TMEM117: variants seen among roughly 807,000 people sequenced by gnomAD.
The protein encoded by TMEM117 is transmembrane protein 117.
In TMEM117, 27 loss-of-function variants were observed where a neutral mutation model predicts 52.4. That is an observed-to-expected ratio of 0.51 (90% CI 0.38 to 0.71). The LOEUF (loss-of-function observed/expected upper bound fraction) is 0.71, where lower values mean the gene tolerates loss of function less well. TMEM117 is among the 30% of genes least tolerant of loss of function. TMEM117 has a pLI of 0.00. For missense variants in TMEM117, 556 were observed against 630.5 expected (o/e 0.88, Z 1.26); for synonymous variants, 215 against 206.3 (o/e 1.04, Z -0.36).
At chr12:44,280,255 A>T (rs1950561805) in intron 5 of TMEM117, among the ~76,000 whole-genome samples, 1 of 152,194 alleles carries the variant, frequency 6.6e-6, no homozygotes, top group African/African-American at 2.4e-5. Flanking sequence ...TAAATTTAAC[A>T]ATCAGTGCAA....
intron 6 of TMEM117, among the ~76,000 whole-genome samples, chr12:44,357,356 G>T (rs992411098): frequency 2.0e-5 from 3 of 152,060 alleles, no homozygotes; most frequent in Admixed American, 1.3e-4. Context: ...AAAGGTATTA[G>T]CAATTCTCTT....
rs545889167 is a variant in TMEM117 at position 43,967,852 on chromosome 12, T to G, written c.410+23510T>G. Among the ~76,000 whole-genome samples, 4 of 152,334 alleles carry G rather than the reference T, an allele frequency of 2.6e-5. No homozygotes were observed. In the South Asian group the frequency reaches 8.3e-4, roughly 32 times the overall value. The stretch of plus-strand genomic sequence containing the variant: ...GCACTGCATATAAAATAAAATAGTG[T>G]GTTCTGAATGATGAAAATACACAGA... On this transcript the variant is annotated intron_variant, in intron 3 of 7. Coordinates refer to ENST00000266534, the MANE Select transcript of TMEM117 (RefSeq NM_032256.3).
At chr12:44,250,223 C>A (rs527857192) in intron 5 of TMEM117, among the ~76,000 whole-genome samples, 1 of 151,142 alleles carries the variant, frequency 6.6e-6, no homozygotes. Context: ...ATGTGGCCAA[C>A]AAACATATGA....
At chr12:43,852,935 G>T (rs1396048734) in intron 2 of TMEM117, among the ~76,000 whole-genome samples, 2 of 152,174 alleles carry the variant, frequency 1.3e-5, no homozygotes, top group African/African-American at 4.8e-5. Flanking sequence ...GATGTTCTTT[G>T]TATTCATTGA....
intron 3 of TMEM117, among the ~76,000 whole-genome samples, chr12:44,102,374 G>A (rs1947876757): frequency 6.6e-6 from 1 of 151,916 alleles, no homozygotes; most frequent in African/African-American, 2.4e-5. Flanking sequence ...GGTATGAAGA[G>A]GCCTGAATGT....
intron 6 of TMEM117, among the ~76,000 whole-genome samples, chr12:44,311,817 ATATATG>A (rs1950986861): frequency 1.1e-5 from 1 of 88,394 alleles, no homozygotes; most frequent in East Asian, 2.4e-4. Flanking sequence ...ATATATGTAT[ATATATG>A]TATATATGTA....
chr12:43,963,993 T>C (rs913025329), intron 3 of TMEM117, among the ~76,000 whole-genome samples: 1 of 152,094 alleles, frequency 6.6e-6, no homozygotes, highest in Non-Finnish European at 1.5e-5. Context: ...TCAATCAGGA[T>C]AGGTTAGATT....
At chr12:43,970,244 A>T (rs745831481) in intron 3 of TMEM117, among the ~76,000 whole-genome samples, 6 of 152,044 alleles carry the variant, frequency 3.9e-5, no homozygotes, top group Admixed American at 1.3e-4. Context: ...AAGAGTAATG[A>T]TGGTGGCCTG....
intron 6 of TMEM117, among the ~76,000 whole-genome samples, chr12:44,359,600 A>G (rs1275493238): frequency 6.6e-6 from 1 of 152,056 alleles, no homozygotes; most frequent in East Asian, 1.9e-4. Flanking sequence ...CCACATTTTC[A>G]CCATAATAAA....
chr12:44,313,303 G>A (rs1951014379), intron 6 of TMEM117, among the ~76,000 whole-genome samples: 1 of 151,996 alleles, frequency 6.6e-6, no homozygotes, highest in Non-Finnish European at 1.5e-5. Flanking sequence ...AAAAGTAGGG[G>A]GACAGTTTCA....
rs1565701122 is a variant in TMEM117, at chr12:44,311,759, ATATATATATGTATATATGTG to A, written c.768+12028_768+12047del. Among the ~76,000 whole-genome samples, 205 of 116,118 alleles carry A rather than the reference ATATATATATGTATATATGTG, an allele frequency of 1.8e-3. 5 individuals carry two copies. The highest frequency in any genetic ancestry group is 7.1e-3 in the African/African-American group (154 of 21,822). The allele number at this position is 116,118 out of a possible 152,430, so 76.2% of individuals were successfully genotyped here. A position where few individuals can be genotyped will look rare whatever the true frequency, so the allele number is the denominator to read the frequency against. Reference sequence around the variant, plus strand: ...TATATGTATATATGTGTATATATGTATATATATATGTATATATGTGTATATATGTATATATATGTATATAT... The same window carrying A: ...TATATGTATATATGTGTATATATGTATATATATGTATATATATGTATATAT... On this transcript the variant is annotated intron_variant, in intron 6 of 7. Coordinates refer to ENST00000266534, the MANE Select transcript of TMEM117 (RefSeq NM_032256.3).
intron 3 of TMEM117, among the ~76,000 whole-genome samples, chr12:44,087,748 G>A (rs11182417): frequency 0.28 from 42,063 of 151,964 alleles, 9,862 homozygotes; most frequent in African/African-American, 0.64. Context: ...TACAGGCATG[G>A]ACCACCACAC....
chr12:44,163,669 T>C (rs1392615137), intron 4 of TMEM117, among the ~76,000 whole-genome samples: 1 of 152,186 alleles, frequency 6.6e-6, no homozygotes, highest in Admixed American at 6.5e-5. Context: ...TTGGAAAAAT[T>C]ATTTCACTGA....
At chr12:44,015,177 C>A (rs1311077845) in intron 3 of TMEM117, among the ~76,000 whole-genome samples, 1 of 151,886 alleles carries the variant, frequency 6.6e-6, no homozygotes, top group Non-Finnish European at 1.5e-5. Context: ...AGTGTATCAT[C>A]TAAAAGAGGG....
At chr12:43,897,340 C>A (rs1944223236) in intron 2 of TMEM117, among the ~76,000 whole-genome samples, 1 of 138,140 alleles carries the variant, frequency 7.2e-6, no homozygotes, top group African/African-American at 2.7e-5. Flanking sequence ...GAGACAGAGT[C>A]TCACATTGTC....
intron 6 of TMEM117, among the ~76,000 whole-genome samples, chr12:44,356,569 C>A (rs1215471655): frequency 6.6e-6 from 1 of 152,118 alleles, no homozygotes; most frequent in African/African-American, 2.4e-5. Context: ...ATATTCCCAC[C>A]TGAAGATGTT....
intron 5 of TMEM117, among the ~76,000 whole-genome samples, chr12:44,293,041 T>C (rs924224041): frequency 2.0e-5 from 3 of 151,940 alleles, no homozygotes; most frequent in Admixed American, 1.3e-4. Flanking sequence ...CCTATTATTA[T>C]TGTATTGCTG....
intron 4 of TMEM117, among the ~76,000 whole-genome samples, chr12:44,202,197 T>A (rs1592602016): frequency 6.6e-6 from 1 of 152,068 alleles, no homozygotes; most frequent in East Asian, 1.9e-4. Context: ...AAGTAAAATC[T>A]AAATAAATAG....
At chr12:44,087,318 G>A (rs554850276) in intron 3 of TMEM117, among the ~76,000 whole-genome samples, 1 of 152,054 alleles carries the variant, frequency 6.6e-6, no homozygotes, top group Non-Finnish European at 1.5e-5. Flanking sequence ...AAGTGTGTTG[G>A]ATTTTTCTTG....
Sources: gnomAD v4.1 joint callset for allele counts (sites outside exome capture counted in the v4.1 genomes callset) on GRCh38, gnomAD v4.1.1 for gene constraint, MANE v1.5 for transcripts, NCBI Gene and HGNC (gene_info 2026-07-23, HGNC 2026-07-21) for gene names.